Variants in CABIN1 observed in about 807,000 individuals in gnomAD.
CABIN1 encodes the protein calcineurin binding protein 1.
CABIN1 carries 133 observed loss-of-function variants against 227.7 expected under a neutral mutation model. The observed-to-expected ratio is 0.58, with a 90% CI of 0.51 to 0.67. The LOEUF (loss-of-function observed/expected upper bound fraction) is 0.67. CABIN1 is among the 30% of genes least tolerant of loss of function. CABIN1 has a pLI of 0.00. For synonymous variants in CABIN1, 1,086 were observed against 1,155.1 expected (o/e 0.94, Z 1.21); for missense variants, 2,408 against 2,852.5 (o/e 0.84, Z 3.55).
chr22:24,156,038 C>T, intron 29 of CABIN1: 1 of 558,018 alleles, frequency 1.8e-6, no homozygotes, highest in Non-Finnish European at 3.2e-6. Flanking sequence ...CGGCGCTCGC[C>T]CTAGCTCCAC....
intron 26 of CABIN1, among the ~76,000 whole-genome samples, chr22:24,112,718 G>A (rs1445190916): frequency 6.6e-6 from 1 of 152,054 alleles, no homozygotes. Context: ...GACCTCTAAT[G>A]TTTGGACCCT....
At position 24,043,047 on chromosome 22, in the gene CABIN1, C is replaced by T. The variant is rs764774481; in HGVS notation, c.489C>T (p.Asn163=). ...CNPDHWPCLD[N]LITVLYTLSD... is the part of the protein sequence containing the mutation. ...CTGACCACTGGCCCTGTTTGGATAA[C>T]CTAATCACTGTCCTGTACACCCTCA... Residue 163 remains asparagine, a synonymous_variant, in exon 6 of 37, where the codon AAC becomes AAT. Coordinates refer to ENST00000263119, the MANE Select transcript of CABIN1 (RefSeq NM_012295.4). The T allele has an allele frequency of 1.2e-6, 2 of 1,613,952 alleles. No individual in the cohort carries two copies. Among genetic ancestry groups the T allele is most frequent in the Non-Finnish European group, 1.7e-6 (2 of 1,179,990 alleles).
At chr22:24,052,467 TTTC>T (rs1189877215) in intron 8 of CABIN1, among the ~76,000 whole-genome samples, 2 of 5,744 alleles carry the variant, frequency 3.5e-4, no homozygotes, top group Non-Finnish European at 5.3e-4. Flanking sequence ...CTTCTTTTTC[TTTC>T]TTTTTTTTTT....
chr22:24,082,538 G>A (rs993819761), intron 19 of CABIN1, among the ~76,000 whole-genome samples: 1 of 152,130 alleles, frequency 6.6e-6, no homozygotes, highest in Non-Finnish European at 1.5e-5. Context: ...CTGAGGATGT[G>A]GTATGTATTA....
chr22:24,104,568 A>G (rs1384962413), intron 26 of CABIN1, among the ~76,000 whole-genome samples: 4 of 152,196 alleles, frequency 2.6e-5, no homozygotes, highest in Non-Finnish European at 5.9e-5. Flanking sequence ...CCTGGCCCTC[A>G]CACAATGCCG....
intron 29 of CABIN1, among the ~76,000 whole-genome samples, chr22:24,150,444 C>T (rs2045413558): frequency 6.6e-6 from 1 of 152,158 alleles, no homozygotes; most frequent in African/African-American, 2.4e-5. Flanking sequence ...TGGAGGGAGG[C>T]AGCAGTGGGG....
chr22:24,172,146 C>T (rs2148777898), intron 34 of CABIN1, 151 bp downstream of exon 34: 6 of 894,852 alleles, frequency 6.7e-6, no homozygotes, highest in Non-Finnish European at 1.0e-5. Context: ...ACCGCGGGTC[C>T]ACTCACCAGT....
chr22:24,096,120 C>T (rs764854224), intron 25 of CABIN1, 38 bp downstream of exon 25: 1 of 1,611,118 alleles, frequency 6.2e-7, no homozygotes, highest in South Asian at 1.1e-5. Context: ...AGCAGCTTAC[C>T]CCATCTGCAT....
At chr22:24,172,472 A>G (rs908555356) in intron 34 of CABIN1, among the ~76,000 whole-genome samples, 1 of 152,104 alleles carries the variant, frequency 6.6e-6, no homozygotes, top group Non-Finnish European at 1.5e-5. Context: ...ACCAGGCCCT[A>G]CTGGGTGTGG....
intron 32 of CABIN1, among the ~76,000 whole-genome samples, chr22:24,167,940 C>A (rs2046551812): frequency 6.6e-6 from 1 of 152,200 alleles, no homozygotes; most frequent in Non-Finnish European, 1.5e-5. Flanking sequence ...CGAAAGGCCT[C>A]TCCCACTCTA....
Position 24,096,095 on chromosome 22 carries a change from C to T in CABIN1, c.3938+13C>T, listed in dbSNP as rs767760143. ...AAGCTTCAGAAAAGTGAGTAGCACC[C>T]TTCAGGCGACCCCTAGCAGCTTACC... is the stretch of plus-strand genomic sequence containing the variant. On this transcript the variant is annotated intron_variant, in intron 25 of 36. Transcript: ENST00000263119. The T allele has an allele frequency of 6.2e-7, 1 of 1,613,916 alleles. No homozygotes were observed. The highest frequency in any genetic ancestry group is 8.5e-7 in the Non-Finnish European group (1 of 1,179,918).
In CABIN1 at chr22:24,054,908, A is replaced by T. The variant is rs1372413269; in HGVS notation, c.842A>T (p.Tyr281Phe). Residue 281 changes from tyrosine (Y) to phenylalanine (F), a missense_variant, in exon 9 of 37, where the codon TAC (tyrosine) becomes TTC (phenylalanine). By Grantham distance (22) the Tyr-to-Phe change is conservative (BLOSUM62 3). Around this residue, in one of 3 missense-constraint regions of CABIN1, gnomAD observed 1,045 missense variants for 1,168.4 expected, o/e 0.89. Coordinates refer to ENST00000263119, the MANE Select transcript of CABIN1 (RefSeq NM_012295.4). The part of the protein sequence containing the change: ...KCLGESLLAM[Y>F]NHLTTCEPPR... ...CTCGGAGAGAGCTTGCTGGCCATGT[A>T]CAATCATCTCACCACCTGTGAGCCC... 6.2e-7 allele frequency: 1 copy of T among 1,614,000 alleles called. No individual in the cohort carries two copies. The highest frequency in any genetic ancestry group is 8.5e-7 in the Non-Finnish European group (1 of 1,180,018).
intron 20 of CABIN1, 49 bp downstream of exon 20, chr22:24,083,438 G>A (rs567774599): frequency 6.2e-7 from 1 of 1,605,564 alleles, no homozygotes; most frequent in African/African-American, 1.3e-5. Flanking sequence ...GGAGCTGTAA[G>A]CTCTTTTGAA....
intron 5 of CABIN1, among the ~76,000 whole-genome samples, chr22:24,042,112 A>T (rs2037426528): frequency 1.3e-5 from 2 of 151,828 alleles, no homozygotes; most frequent in African/African-American, 4.8e-5. Context: ...CCACCACCAC[A>T]CCCAGCTAAC....
intron 24 of CABIN1, among the ~76,000 whole-genome samples, chr22:24,092,687 AGTGT>A (rs3221282): frequency 0.013 from 1,788 of 138,794 alleles, 21 homozygotes; most frequent in East Asian, 0.015. Flanking sequence ...TGATTATAAA[AGTGT>A]GTGTGTGTGT....
chr22:24,081,236 A>T (rs932346273), intron 19 of CABIN1, among the ~76,000 whole-genome samples: 2 of 152,216 alleles, frequency 1.3e-5, no homozygotes, highest in Admixed American at 6.5e-5. Context: ...AAAACAGACA[A>T]GGGCAGGATT....
At position 24,158,719 on chromosome 22, in the gene CABIN1, C is replaced by T. The variant is rs543946700; in HGVS notation, c.4747-5681C>T. ...GCTTTCTTCAAAAACCCCCCACATC[C>T]CTTGCTCTCCTAGCCCATTACTTCT... On this transcript the variant is annotated intron_variant, in intron 29 of 36. Transcript: ENST00000263119. 1.1e-4 allele frequency among the ~76,000 whole-genome samples: 16 copies of T among 152,244 alleles called. No homozygotes were observed. In the South Asian group the frequency reaches 1.2e-3, roughly 12 times the overall value.
chr22:24,043,186 G>A, intron 6 of CABIN1, 102 bp downstream of exon 6: 1 of 975,022 alleles, frequency 1.0e-6, no homozygotes, highest in Non-Finnish European at 1.6e-6. Flanking sequence ...ACACTGAAGG[G>A]GTTTGCCAGA....
intron 28 of CABIN1, among the ~76,000 whole-genome samples, chr22:24,130,017 G>A (rs1027973771): frequency 1.3e-5 from 2 of 152,222 alleles, no homozygotes; most frequent in Non-Finnish European, 2.9e-5. Flanking sequence ...TAGTAGGCAA[G>A]GGAGGACATA....
Sources: gnomAD v4.1 joint callset for allele counts (sites outside exome capture counted in the v4.1 genomes callset) on GRCh38, gnomAD v4.1.1 for gene constraint, gnomAD v4.1.1 regional missense constraint, MANE v1.5 for transcripts, NCBI Gene and HGNC (gene_info 2026-07-23, HGNC 2026-07-21) for gene names.